Variants in NOS1 observed in about 807,000 individuals in gnomAD.
NOS1 encodes the protein NOS type I.
A neutral mutation model predicts 164.5 loss-of-function variants in NOS1; 51 were observed. The ratio of observed to expected loss-of-function variants is 0.31; its 90% CI spans 0.25 to 0.39. The LOEUF (loss-of-function observed/expected upper bound fraction) is 0.39, where lower values mean the gene tolerates loss of function less well. NOS1 is among the 10% of genes least tolerant of loss of function. The pLI is 1.00. For missense variants in NOS1, 1,362 were observed against 1,885.6 expected (o/e 0.72, Z 5.14); for synonymous variants, 719 against 745.8 (o/e 0.96, Z 0.59).
chr12:117,297,907 G>A (rs1164723059), intron 3 of NOS1, among the ~76,000 whole-genome samples: 1 of 152,102 alleles, frequency 6.6e-6, no homozygotes, highest in Non-Finnish European at 1.5e-5. Flanking sequence ...GGGGAGGCAG[G>A]CAGGCGCCTC....
intron 2 of NOS1, among the ~76,000 whole-genome samples, chr12:117,311,891 C>G (rs1035078398): frequency 1.3e-5 from 2 of 152,116 alleles, no homozygotes; most frequent in African/African-American, 4.8e-5. Context: ...TTTGCTTGTC[C>G]CTCTCCCTTC....
intron 17 of NOS1, among the ~76,000 whole-genome samples, chr12:117,252,700 G>A (rs1053136837): frequency 3.3e-5 from 5 of 152,208 alleles, no homozygotes; most frequent in African/African-American, 1.2e-4. Context: ...TGCTCATTTT[G>A]CTGTCAACCT....
Position 117,209,955 on chromosome 12 carries a change from A to G in NOS1, c.*5354T>C. The G allele has an allele frequency of 3.0e-6, 3 of 985,444 alleles. No individual in the cohort carries two copies. Among genetic ancestry groups the G allele is most frequent in the South Asian group, 4.7e-5 (1 of 21,282 alleles). 61.0% of individuals were successfully genotyped at this position (985,444 alleles called of 1,614,324 possible). A position where few individuals can be genotyped will look rare whatever the true frequency, so the allele number is the denominator to read the frequency against. Reference sequence around the variant, plus strand: ...AGACCCTCAGACCTGTGTTTCCTTAATCCCAGCACCTGGTCTTTCATTTTA... The same window carrying G: ...AGACCCTCAGACCTGTGTTTCCTTAGTCCCAGCACCTGGTCTTTCATTTTA... On this transcript the variant is annotated 3_prime_UTR_variant, in exon 29 of 29. Coordinates refer to ENST00000317775, the MANE Select transcript of NOS1 (RefSeq NM_000620.5).
intron 28 of NOS1, 85 bp from the exon 29 acceptor site, chr12:117,215,409 T>A: frequency 7.2e-7 from 1 of 1,383,476 alleles, no homozygotes; most frequent in Non-Finnish European, 9.5e-7. Context: ...AAATCACCCA[T>A]GCTCTGGGCT....
At position 117,307,812 on chromosome 12, in the gene NOS1, T is replaced by C. The variant is rs550358062; in HGVS notation, c.852+3654A>G. Among the ~76,000 whole-genome samples the C allele has an allele frequency of 2.0e-5, 3 of 151,622 alleles. No homozygotes were observed. In the East Asian group the frequency reaches 5.9e-4, roughly 30 times the overall value. ...CAGGTGGATCACCTGAGGCCAGGAG[T>C]TCGAGACCAGCCTGGCCAAGATGGT... is the stretch of plus-strand genomic sequence containing the variant. On this transcript the variant is annotated intron_variant, in intron 3 of 28. Transcript: ENST00000317775.
At chr12:117,259,278 G>T in intron 14 of NOS1, 148 bp from the exon 15 acceptor site, 1 of 613,356 alleles carries the variant, frequency 1.6e-6, no homozygotes, top group East Asian at 2.8e-5. Context: ...CCTTTGGAAG[G>T]AGAACCAAAA....
At position 117,328,264 on chromosome 12, in the gene NOS1, G is replaced by A. The variant is rs148566228; in HGVS notation, c.725+2081C>T. Among the ~76,000 whole-genome samples the A allele has an allele frequency of 1.4e-4, 22 of 152,160 alleles. No homozygotes were observed. The East Asian group carries it at 2.7e-3, about 19-fold the overall frequency. On this transcript the variant is annotated intron_variant, in intron 2 of 28. Coordinates refer to ENST00000317775, the MANE Select transcript of NOS1 (RefSeq NM_000620.5). The stretch of plus-strand genomic sequence containing the variant: ...CGGCTCACTGCAACCTCTGTCTCCC[G>A]GGTTCAAGCTATTCTCCTGGCTTAG...
chr12:117,358,974 CG>C (rs1307946483), intron 1 of NOS1, among the ~76,000 whole-genome samples: 2 of 152,228 alleles, frequency 1.3e-5, no homozygotes, highest in Non-Finnish European at 2.9e-5. Context: ...GTTGAGGTCT[CG>C]GGTAGTGCCA....
At position 117,327,368 on chromosome 12, in the gene NOS1, A is replaced by C. The variant is rs138635954; in HGVS notation, c.725+2977T>G. Among the ~76,000 whole-genome samples, 360 of 152,290 alleles carry C rather than the reference A, an allele frequency of 2.4e-3. 2 individuals are homozygous for C. Among genetic ancestry groups the C allele is most frequent in the African/African-American group, 8.2e-3 (339 of 41,562 alleles). ...CAAAGCCTCCTGGCAAATAAGGCCA[A>C]TGCCTTCCGTTCTGGATCCTACAGC... is the stretch of plus-strand genomic sequence containing the variant. On this transcript the variant is annotated intron_variant, in intron 2 of 28. Coordinates refer to ENST00000317775, the MANE Select transcript of NOS1 (RefSeq NM_000620.5).
At chr12:117,336,651 A>G (rs2136080372) in intron 1 of NOS1, among the ~76,000 whole-genome samples, 1 of 152,370 alleles carries the variant, frequency 6.6e-6, no homozygotes, top group Middle Eastern at 3.4e-3. Flanking sequence ...AAAAAAATTT[A>G]AAAAACAAAA....
chr12:117,208,630 A>C lies in NOS1; in HGVS notation c.*6679T>G. 8.6e-7 allele frequency: 1 copy of C among 1,162,994 alleles called. No homozygotes were observed. Among genetic ancestry groups the C allele is most frequent in the Non-Finnish European group, 1.1e-6 (1 of 927,562 alleles). The allele number at this position is 1,162,994 out of a possible 1,614,324, so 72.0% of individuals were successfully genotyped here. On this transcript the variant is annotated 3_prime_UTR_variant, in exon 29 of 29. Coordinates refer to ENST00000317775, the MANE Select transcript of NOS1 (RefSeq NM_000620.5). ...ATGGGAGGGGACTGAGACCCAGCTCAAGAGCACTGGATCTCAGTGAGTCTT... is the reference window on the plus strand; with the variant it reads ...ATGGGAGGGGACTGAGACCCAGCTCCAGAGCACTGGATCTCAGTGAGTCTT...
At chr12:117,290,616 C>T (rs901845306) in intron 3 of NOS1, among the ~76,000 whole-genome samples, 190 bp from the exon 4 acceptor site, 4 of 152,044 alleles carry the variant, frequency 2.6e-5, no homozygotes, top group African/African-American at 9.7e-5. Context: ...GATTTCCCCA[C>T]TTACATGGAA....
intron 3 of NOS1, among the ~76,000 whole-genome samples, chr12:117,296,914 A>G (rs1873455255): frequency 6.6e-6 from 1 of 152,232 alleles, no homozygotes; most frequent in Non-Finnish European, 1.5e-5. Context: ...GCAAGCTGAC[A>G]AGAAAGCCCT....
chr12:117,270,682 C>G (rs571198108), intron 10 of NOS1, among the ~76,000 whole-genome samples: 1 of 151,992 alleles, frequency 6.6e-6, no homozygotes, highest in Non-Finnish European at 1.5e-5. Flanking sequence ...GCAACTTGAG[C>G]CACATCTAAG....
intron 17 of NOS1, among the ~76,000 whole-genome samples, chr12:117,250,440 C>T (rs922116121): frequency 1.2e-3 from 182 of 151,678 alleles, no homozygotes; most frequent in African/African-American, 4.0e-3. Context: ...GTAATTCTCC[C>T]GCCTCAGCCT....
chr12:117,286,109 G>A lies in NOS1; in HGVS notation c.1285C>T (p.Leu429=). Reference sequence around the variant, plus strand: ...TATCTGACTTCACCACCTACCTGCAGCTTGGACCACTGGATCCTGCCCACA... The same window carrying A: ...TATCTGACTTCACCACCTACCTGCAACTTGGACCACTGGATCCTGCCCACA... ...RCVGRIQWSK[L]QVFDARDCTT... Residue 429 remains leucine (L), a synonymous_variant, in exon 6 of 29, where the codon CTG becomes TTG. Coordinates refer to ENST00000317775, the MANE Select transcript of NOS1 (RefSeq NM_000620.5). The A allele has an allele frequency of 6.2e-7, 1 of 1,614,140 alleles. No homozygotes were observed. Among genetic ancestry groups the A allele is most frequent in the African/African-American group, 1.3e-5 (1 of 75,038 alleles).
In NOS1 at chr12:117,330,967, G is replaced by A. The variant is rs766368147; in HGVS notation, c.103C>T (p.Arg35Trp). Reference protein sequence around the residue: ...VGGLGFLVKERVSKPPVIISD... With the variant: ...VGGLGFLVKEWVSKPPVIISD... Reference sequence around the variant, plus strand: ...ATGATCACGGGCGGCTTACTGACCCGCTCCTTCACCAGAAATCCCAGGCCC... The same window carrying A: ...ATGATCACGGGCGGCTTACTGACCCACTCCTTCACCAGAAATCCCAGGCCC... Residue 35 changes from arginine to tryptophan, a missense_variant, in exon 2 of 29, where the codon CGG becomes TGG. Physicochemically the swap from Arg to Trp is moderately radical, Grantham distance 101 (BLOSUM62 -3). Around this residue, in one of 4 missense-constraint regions of NOS1, gnomAD observed 362 missense variants for 402.0 expected, o/e 0.90. Coordinates refer to ENST00000317775, the MANE Select transcript of NOS1 (RefSeq NM_000620.5). This position sits in a 1 kb window ranked among gnomAD's most constrained non-coding sequence, Gnocchi z 4.6. 1.9e-6 allele frequency: 3 copies of A among 1,614,150 alleles called. No individual in the cohort carries two copies. The highest frequency in any genetic ancestry group is 1.7e-5 in the Admixed American group (1 of 60,022).
chr12:117,216,752 T>C (rs774640546), intron 28 of NOS1, among the ~76,000 whole-genome samples: 102 of 152,172 alleles, frequency 6.7e-4, no homozygotes, highest in Non-Finnish European at 6.8e-4. Context: ...GTGCTGGGAT[T>C]ATAGGTGTGA....
At chr12:117,227,225 C>G (rs1868771847) in intron 23 of NOS1, among the ~76,000 whole-genome samples, 1 of 152,188 alleles carries the variant, frequency 6.6e-6, no homozygotes, top group Non-Finnish European at 1.5e-5. Context: ...AAATACACAT[C>G]TTGCCTCTTT....
Sources: gnomAD v4.1 joint callset for allele counts (sites outside exome capture counted in the v4.1 genomes callset) on GRCh38, gnomAD v4.1.1 for gene constraint, gnomAD v4.1.1 regional missense constraint, Gnocchi (gnomAD v3.1) non-coding constraint, MANE v1.5 for transcripts, NCBI Gene and HGNC (gene_info 2026-07-23, HGNC 2026-07-21) for gene names.